SLC25A48: variants seen among roughly 807,000 people sequenced by gnomAD.
SLC25A48 encodes CTC-321K16.1.
A neutral mutation model predicts 32.2 loss-of-function variants in SLC25A48; 29 were observed. That is an observed-to-expected ratio of 0.90 (90% CI 0.67 to 1.23). SLC25A48 has a LOEUF of 1.23. Ranked by LOEUF, SLC25A48 falls within the 50% of genes most tolerant of loss-of-function variation. The pLI is 0.00. For synonymous variants in SLC25A48, 164 were observed against 172.3 expected, an observed-to-expected ratio of 0.95 and a Z score of 0.38; for missense variants, 399 against 422.7, an observed-to-expected ratio of 0.94 and a Z score of 0.49.
chr5:135,874,753 C>A (rs1761922997), intron 6 of SLC25A48: 1 of 697,002 alleles, frequency 1.4e-6, no homozygotes, highest in Non-Finnish European at 2.6e-6. Context: ...CTTCCCACCA[C>A]CTGAAAAGGT....
intron 1 of SLC25A48, among the ~76,000 whole-genome samples, 181 bp from the exon 2 acceptor site, chr5:135,842,235 C>T (rs769847893): frequency 5.9e-5 from 9 of 152,166 alleles, no homozygotes; most frequent in Non-Finnish European, 8.8e-5. Flanking sequence ...GCTTGTTTTA[C>T]TCTATTTTCT....
intron 3 of SLC25A48, among the ~76,000 whole-genome samples, chr5:135,706,521 TTATC>T (rs147932510): frequency 0.41 from 62,178 of 151,708 alleles, 13,517 homozygotes; most frequent in Non-Finnish European, 0.49. Context: ...TACTCAATAT[TTATC>T]AACCATCATC....
At chr5:135,757,471 A>ATAT (rs1260383599) in intron 3 of SLC25A48, among the ~76,000 whole-genome samples, 1 of 149,408 alleles carries the variant, frequency 6.7e-6, no homozygotes, top group Non-Finnish European at 1.5e-5. Flanking sequence ...ACACACAATA[A>ATAT]TATTAATAAA....
At chr5:135,685,507 A>G (rs540388243) in intron 3 of SLC25A48, among the ~76,000 whole-genome samples, 1 of 146,030 alleles carries the variant, frequency 6.8e-6, no homozygotes, top group Non-Finnish European at 1.5e-5. Context: ...ATCTTGGCGC[A>G]CTGCAACCTC....
At chr5:135,840,050 A>C (rs1758860763) in intron 1 of SLC25A48, among the ~76,000 whole-genome samples, 1 of 152,204 alleles carries the variant, frequency 6.6e-6, no homozygotes, top group Non-Finnish European at 1.5e-5. Flanking sequence ...AGGGCTTCTT[A>C]ATCTAAGTGG....
upstream of SLC25A48, chr5:135,834,659 C>T (rs1199553014): frequency 8.2e-6 from 5 of 609,742 alleles, no homozygotes; most frequent in Non-Finnish European, 1.1e-5. Flanking sequence ...AGCCGCCCTC[C>T]GGCACTTGGA....
intron 3 of SLC25A48, among the ~76,000 whole-genome samples, chr5:135,756,913 G>A (rs1393645110): frequency 6.7e-6 from 1 of 149,990 alleles, no homozygotes; most frequent in African/African-American, 2.4e-5. Flanking sequence ...TTAACACACT[G>A]TGATAGTAAT....
chr5:135,810,971 C>A (rs548239534), intron 3 of SLC25A48, among the ~76,000 whole-genome samples: 7 of 152,178 alleles, frequency 4.6e-5, no homozygotes, highest in Non-Finnish European at 8.8e-5. Flanking sequence ...CAGCACCTAC[C>A]GGAACTGACT....
chr5:135,870,525 A>G (rs1761552713), intron 4 of SLC25A48, among the ~76,000 whole-genome samples: 1 of 152,180 alleles, frequency 6.6e-6, no homozygotes, highest in Non-Finnish European at 1.5e-5. Flanking sequence ...AGCATAGACT[A>G]CTGAGGTTAG....
intron 1 of SLC25A48, among the ~76,000 whole-genome samples, chr5:135,608,411 G>A (rs1751989304): frequency 6.6e-6 from 1 of 152,210 alleles, no homozygotes; most frequent in African/African-American, 2.4e-5. Context: ...AGTATGTATA[G>A]CTCAAGTTAG....
chr5:135,742,957 T>TCCCCCCCCCCCCCCCCCCCCCCCC (rs1755534704), intron 3 of SLC25A48, among the ~76,000 whole-genome samples: 1 of 12,902 alleles, frequency 7.8e-5, no homozygotes. Flanking sequence ...TCTGGAGACC[T>TCCCCCCCCCCCCCCCCCCCCCCCC]CCCCCTCCCC....
intron 1 of SLC25A48, among the ~76,000 whole-genome samples, chr5:135,613,793 G>T (rs1752127146): frequency 6.6e-6 from 1 of 152,066 alleles, no homozygotes; most frequent in Admixed American, 6.6e-5. Context: ...CTGTTCCATT[G>T]GTCTATGTGT....
rs59534699 is a variant in SLC25A48, at chr5:135,769,259, T to TTGGGG, written c.-520-43264_-520-43263insTGGGG. Among the ~76,000 whole-genome samples, 22 of 104,236 alleles carry TTGGGG rather than the reference T, an allele frequency of 2.1e-4. 1 individual carries two copies. Among genetic ancestry groups the TTGGGG allele is most frequent in the African/African-American group, 7.8e-4 (17 of 21,772 alleles). The allele number at this position is 104,236 out of a possible 152,430, so 68.4% of individuals were successfully genotyped here. ...CCCTCTGTAATTTTGTTTGCAATATTGGGGGGGGAGAATGATATTACTGAC... is the reference window on the plus strand; with the variant it reads ...CCCTCTGTAATTTTGTTTGCAATATTTGGGGGGGGGGGGAGAATGATATTACTGAC... On this transcript the variant is annotated intron_variant, in intron 3 of 10. Coordinates refer to the SLC25A48 transcript ENST00000646290.
intron 3 of SLC25A48, among the ~76,000 whole-genome samples, chr5:135,805,414 G>C (rs1353438284): frequency 6.6e-6 from 1 of 151,360 alleles, no homozygotes; most frequent in African/African-American, 2.4e-5. Context: ...AATGTAATAT[G>C]AAGATATTAC....
chr5:135,611,407 CAGG>C (rs1463906274), intron 1 of SLC25A48, among the ~76,000 whole-genome samples: 1 of 140,702 alleles, frequency 7.1e-6, no homozygotes. Flanking sequence ...CCCAGCTACT[CAGG>C]AGGCTGAGGC....
intron 3 of SLC25A48, among the ~76,000 whole-genome samples, chr5:135,669,579 G>A (rs1157794068): frequency 2.6e-5 from 4 of 152,158 alleles, no homozygotes; most frequent in Non-Finnish European, 4.4e-5. Flanking sequence ...GAGTGGTGAA[G>A]CAGCTGGGGA....
At chr5:135,811,700 TA>T (rs953279108) in intron 3 of SLC25A48, among the ~76,000 whole-genome samples, 1 of 151,156 alleles carries the variant, frequency 6.6e-6, no homozygotes, top group Non-Finnish European at 1.5e-5. Context: ...GTAAGTAATT[TA>T]AAAAAAAATA....
intron 3 of SLC25A48, among the ~76,000 whole-genome samples, chr5:135,763,399 C>T (rs1756112092): frequency 6.6e-6 from 1 of 152,122 alleles, no homozygotes; most frequent in South Asian, 2.1e-4. Context: ...TGTCTACCCA[C>T]AGCCCCAGCT....
chr5:135,748,921 G>T (rs1000518497), intron 3 of SLC25A48, among the ~76,000 whole-genome samples: 7 of 151,986 alleles, frequency 4.6e-5, no homozygotes, highest in Non-Finnish European at 8.8e-5. Flanking sequence ...GTTTCGCCAT[G>T]TTGGTTAGGC....
Sources: allele counts gnomAD v4.1 joint callset (sites outside exome capture counted in the v4.1 genomes callset), GRCh38; gene constraint gnomAD v4.1.1; transcripts MANE v1.5; gene names NCBI Gene and HGNC (gene_info 2026-07-23, HGNC 2026-07-21).